PHTF2: variants seen among roughly 807,000 people sequenced by gnomAD.
PHTF2 encodes the protein putative homeodomain transcription factor 2.
In PHTF2, 60 loss-of-function variants were observed where a neutral mutation model predicts 101.2. That is an observed-to-expected ratio of 0.59 (90% CI 0.48 to 0.73). The LOEUF (loss-of-function observed/expected upper bound fraction) is 0.73. Among genes scored for constraint, PHTF2 ranks in the 30% least tolerant of loss-of-function variants. PHTF2 has a pLI of 0.00. For missense variants in PHTF2, 747 were observed against 908.7 expected, an observed-to-expected ratio of 0.82 and a Z score of 2.29; for synonymous variants, 311 against 307.3, an observed-to-expected ratio of 1.01 and a Z score of -0.13.
chr7:77,863,567 T>TA (rs1354665254), intron 3 of PHTF2, among the ~76,000 whole-genome samples: 1 of 152,148 alleles, frequency 6.6e-6, no homozygotes, highest in African/African-American at 2.4e-5. Context: ...TTTTTAGGAT[T>TA]AAAGATTTTT....
At chr7:77,847,612 G>C (rs978027194) in intron 2 of PHTF2, among the ~76,000 whole-genome samples, 1 of 152,164 alleles carries the variant, frequency 6.6e-6, no homozygotes. Flanking sequence ...TTAAATATTT[G>C]TGGGGTACAT....
At position 77,822,827 on chromosome 7, in the gene PHTF2, A is replaced by T. The variant is rs1183717607; in HGVS notation, c.-35-17394A>T. 7.3e-5 allele frequency among the ~76,000 whole-genome samples: 11 copies of T among 151,184 alleles called. No homozygotes were observed. The East Asian group carries it at 2.1e-3, about 30-fold the overall frequency. ...TTATGTGATGCCTAGGTTCTTTCTT[A>T]TTGGGGGGATGAGTGCTGGGTGTCT... On this transcript the variant is annotated intron_variant, in intron 1 of 19. Transcript: ENST00000416283.
chr7:77,884,626 G>A (rs1375294581), intron 3 of PHTF2, among the ~76,000 whole-genome samples: 2 of 152,220 alleles, frequency 1.3e-5, no homozygotes, highest in South Asian at 2.1e-4. Flanking sequence ...GCTGGGCGCA[G>A]TGGCTTACCC....
At chr7:77,878,973 G>A (rs530222449) in intron 3 of PHTF2, among the ~76,000 whole-genome samples, 21 of 152,276 alleles carry the variant, frequency 1.4e-4, no homozygotes, top group African/African-American at 4.6e-4. Context: ...TCACCTGGCC[G>A]AATGGCCTTT....
chr7:77,827,367 C>A (rs1794760664), intron 1 of PHTF2, among the ~76,000 whole-genome samples: 5 of 151,908 alleles, frequency 3.3e-5, no homozygotes, highest in Admixed American at 2.0e-4. Context: ...TTTATTTATT[C>A]TTTTTGAGAC....
intron 1 of PHTF2, among the ~76,000 whole-genome samples, chr7:77,835,361 A>T (rs1283166200): frequency 6.6e-6 from 1 of 151,996 alleles, no homozygotes; most frequent in Non-Finnish European, 1.5e-5. Context: ...GTATGAGTGG[A>T]GAAAAGAATG....
intron 18 of PHTF2, among the ~76,000 whole-genome samples, chr7:77,953,447 G>T (rs1806726324): frequency 6.6e-6 from 1 of 152,098 alleles, no homozygotes; most frequent in Non-Finnish European, 1.5e-5. Flanking sequence ...CTACCGAAAG[G>T]TATTGTTCTC....
At position 77,850,360 on chromosome 7, in the gene PHTF2, C is replaced by CA. The variant is rs71082789; in HGVS notation, c.46-4348dup. On this transcript the variant is annotated intron_variant, in intron 2 of 19. Coordinates refer to ENST00000416283, the Ensembl canonical transcript of PHTF2. ...TGAAAGACAAAGCAAGACCTTGTCTCAAAAAAAAAAAAAAAAAAAAAAAAA... is the reference window on the plus strand; with the variant it reads ...TGAAAGACAAAGCAAGACCTTGTCTCAAAAAAAAAAAAAAAAAAAAAAAAAA... Among the ~76,000 whole-genome samples the CA allele has an allele frequency of 9.5e-3, 419 of 44,210 alleles. 10 individuals are homozygous for CA. The highest frequency in any genetic ancestry group is 0.022 in the East Asian group (30 of 1,376). 29.0% of individuals were successfully genotyped at this position (44,210 alleles called of 152,430 possible). A position where few individuals can be genotyped will look rare whatever the true frequency, so the allele number is the denominator to read the frequency against.
chr7:77,888,746 C>A (rs115496483), intron 3 of PHTF2, among the ~76,000 whole-genome samples: 1 of 151,826 alleles, frequency 6.6e-6, no homozygotes, highest in Non-Finnish European at 1.5e-5. Flanking sequence ...CTTGGCCTTG[C>A]GATTTAATTT....
chr7:77,935,142 CAG>C (rs1279611506), intron 12 of PHTF2, among the ~76,000 whole-genome samples: 19 of 106,358 alleles, frequency 1.8e-4, no homozygotes, highest in Admixed American at 1.8e-3. Flanking sequence ...CACACACACA[CAG>C]AGGAATATAG....
rs10240659 is a variant in PHTF2 at position 77,806,056 on chromosome 7, T to C, written c.-36+7085T>C. On this transcript the variant is annotated intron_variant, in intron 1 of 19. Transcript: ENST00000416283. ...AGAGCATGGTGGTGCGTGCCTGTAG[T>C]CCTAGCTACTCAGGAGCCTGAGGCA... Among the ~76,000 whole-genome samples, 1,288 of 152,108 alleles carry C rather than the reference T, an allele frequency of 8.5e-3. 21 individuals carry two copies. The highest frequency in any genetic ancestry group is 0.029 in the African/African-American group (1,214 of 41,480).
chr7:77,949,680 A>G, exon 17 of PHTF2: 3 of 1,545,882 alleles, frequency 1.9e-6, no homozygotes, highest in Non-Finnish European at 2.6e-6. Context: ...ACTTTTAGCT[A>G]CTTCATGTAC....
chr7:77,822,974 G>A (rs1447643780), intron 1 of PHTF2, among the ~76,000 whole-genome samples: 3 of 148,724 alleles, frequency 2.0e-5, no homozygotes, highest in African/African-American at 5.0e-5. Context: ...GCGCGATCTC[G>A]GCTCACCGCA....
At chr7:77,891,879 C>T (rs1033153080) in intron 3 of PHTF2, among the ~76,000 whole-genome samples, 4 of 152,160 alleles carry the variant, frequency 2.6e-5, no homozygotes, top group African/African-American at 7.2e-5. Flanking sequence ...AGCCACTCTG[C>T]ACTCAGCCAT....
chr7:77,862,797 A>G (rs956825390), intron 3 of PHTF2, among the ~76,000 whole-genome samples: 3 of 152,246 alleles, frequency 2.0e-5, no homozygotes, highest in African/African-American at 7.2e-5. Flanking sequence ...AGCAACAGAC[A>G]TGATGGTGAA....
chr7:77,893,588 G>A lies in PHTF2; in HGVS notation c.148-20G>A. ...TGGGTACCAGCAATGACCATTTAAT[G>A]TAGTGTCTTCTTTTCATAGATTGGA... is the stretch of plus-strand genomic sequence containing the variant. On this transcript the variant is annotated intron_variant, in intron 3 of 19. Transcript: ENST00000416283. 8.8e-7 allele frequency: 1 copy of A among 1,136,248 alleles called. No homozygotes were observed. The highest frequency in any genetic ancestry group is 1.3e-6 in the Non-Finnish European group (1 of 769,636). 70.4% of individuals were successfully genotyped at this position (1,136,248 alleles called of 1,614,324 possible).
chr7:77,880,821 C>T (rs1411193628), intron 3 of PHTF2, among the ~76,000 whole-genome samples: 1 of 152,184 alleles, frequency 6.6e-6, no homozygotes, highest in Non-Finnish European at 1.5e-5. Flanking sequence ...CTTGCAAGTG[C>T]ATATTATCAT....
intron 3 of PHTF2, among the ~76,000 whole-genome samples, chr7:77,855,270 A>AC (rs1797084420): frequency 6.6e-6 from 1 of 152,212 alleles, no homozygotes; most frequent in South Asian, 2.1e-4. Flanking sequence ...TCTGAGAGCT[A>AC]CAGCCTCGAA....
chr7:77,833,569 T>C (rs1365885092), intron 1 of PHTF2, among the ~76,000 whole-genome samples: 1 of 152,186 alleles, frequency 6.6e-6, no homozygotes. Flanking sequence ...AAGACCAGCC[T>C]GGGCAGCATA....
Sources: gnomAD v4.1 joint callset for allele counts (sites outside exome capture counted in the v4.1 genomes callset) on GRCh38, gnomAD v4.1.1 for gene constraint, MANE v1.5 for transcripts, NCBI Gene and HGNC (gene_info 2026-07-23, HGNC 2026-07-21) for gene names.